FBXL7: variants seen among roughly 807,000 people sequenced by gnomAD.
FBXL7 encodes F-box/LRR-repeat protein 7.
Under a neutral mutation model 38.3 loss-of-function variants are expected in FBXL7, and 12 were observed. That is an observed-to-expected ratio of 0.31 (90% CI 0.20 to 0.51). The LOEUF is 0.51. FBXL7 is among the 20% of genes least tolerant of loss of function. The pLI, the probability that FBXL7 is intolerant of heterozygous loss-of-function variation, is 0.98. For missense variants in FBXL7, 567 were observed against 676.4 expected (o/e 0.84, Z 1.79); for synonymous variants, 297 against 300.9 (o/e 0.99, Z 0.13).
Position 15,609,994 on chromosome 5 carries a change from A to G in FBXL7, c.38-5989A>G, listed in dbSNP as rs145235122. ...TAGGCCTCACAACATGGTGGAAGAC[A>G]AAAAGCACGTCTTACATGGCAGCAG... On this transcript the variant is annotated intron_variant, in intron 1 of 3. Transcript: ENST00000504595. 4.7e-3 allele frequency among the ~76,000 whole-genome samples: 720 copies of G among 152,356 alleles called. 5 individuals carry two copies. The highest frequency in any genetic ancestry group is 0.017 in the African/African-American group (700 of 41,594).
At chr5:15,686,121 G>A (rs1280103806) in intron 2 of FBXL7, among the ~76,000 whole-genome samples, 3 of 152,132 alleles carry the variant, frequency 2.0e-5, no homozygotes, top group African/African-American at 7.2e-5. Flanking sequence ...TCCACTGGAT[G>A]CTAGTTCCAA....
intron 1 of FBXL7, among the ~76,000 whole-genome samples, chr5:15,538,584 T>G (rs1737652520): frequency 6.6e-6 from 1 of 152,226 alleles, no homozygotes; most frequent in Non-Finnish European, 1.5e-5. Flanking sequence ...ACATTGGAAA[T>G]CAAGTTTTCA....
chr5:15,777,720 T>TA (rs371293320), intron 2 of FBXL7, among the ~76,000 whole-genome samples: 27,527 of 81,420 alleles, frequency 0.34, 6,392 homozygotes, highest in Non-Finnish European at 0.43. Flanking sequence ...CCTATTCTGG[T>TA]AAAAAAAAAA....
intron 2 of FBXL7, among the ~76,000 whole-genome samples, chr5:15,881,928 G>T (rs188244991): frequency 9.9e-5 from 15 of 152,252 alleles, no homozygotes; most frequent in African/African-American, 3.6e-4. Context: ...GCATAATGCT[G>T]GCATCTGCTC....
At chr5:15,663,333 T>G (rs6895158) in intron 2 of FBXL7, among the ~76,000 whole-genome samples, 48,122 of 151,986 alleles carry the variant, frequency 0.32, 7,822 homozygotes, top group East Asian at 0.45. Context: ...ATGCTAGTGA[T>G]TTTTGTACAT....
chr5:15,917,677 G>GGAAGGAAA (rs2126438999), intron 2 of FBXL7, among the ~76,000 whole-genome samples: 1 of 148,504 alleles, frequency 6.7e-6, no homozygotes, highest in East Asian at 2.0e-4. Context: ...AAGGAAGGAA[G>GGAAGGAAA]GAAGGAAGGA....
chr5:15,680,190 G>C (rs530684147), intron 2 of FBXL7, among the ~76,000 whole-genome samples: 3 of 152,132 alleles, frequency 2.0e-5, no homozygotes, highest in Admixed American at 6.5e-5. Flanking sequence ...GAAAAAGGCA[G>C]CTCTTCCCAA....
At chr5:15,783,924 A>G (rs565509398) in intron 2 of FBXL7, among the ~76,000 whole-genome samples, 2 of 152,180 alleles carry the variant, frequency 1.3e-5, no homozygotes, top group African/African-American at 2.4e-5. Flanking sequence ...ACTTTTGGCA[A>G]TGGGCCAGGT....
At chr5:15,736,528 G>A (rs188407262) in intron 2 of FBXL7, among the ~76,000 whole-genome samples, 1 of 152,276 alleles carries the variant, frequency 6.6e-6, no homozygotes, top group Admixed American at 6.5e-5. Context: ...TCTTAAATGT[G>A]ATAAATACGT....
intron 1 of FBXL7, among the ~76,000 whole-genome samples, chr5:15,538,119 A>G (rs1737638196): frequency 1.3e-5 from 2 of 152,330 alleles, no homozygotes; most frequent in African/African-American, 2.4e-5. Context: ...ATCCAGGAGC[A>G]GGAGATAAAT....
At chr5:15,561,153 A>T (rs537152479) in intron 1 of FBXL7, among the ~76,000 whole-genome samples, 12 of 152,284 alleles carry the variant, frequency 7.9e-5, no homozygotes, top group African/African-American at 2.9e-4. Context: ...ACTGTAGTCC[A>T]CATACTGTGG....
chr5:15,759,165 C>T (rs542781861), intron 2 of FBXL7, among the ~76,000 whole-genome samples: 5 of 152,274 alleles, frequency 3.3e-5, no homozygotes, highest in Middle Eastern at 3.4e-3. Flanking sequence ...TTCATTCCTT[C>T]GGCTTTTCCT....
At chr5:15,789,843 C>T (rs1737228036) in intron 2 of FBXL7, among the ~76,000 whole-genome samples, 1 of 152,172 alleles carries the variant, frequency 6.6e-6, no homozygotes, top group Admixed American at 6.5e-5. Context: ...CTATGAATTG[C>T]TTCCCTGGGC....
At chr5:15,624,970 C>T (rs1279394321) in intron 2 of FBXL7, among the ~76,000 whole-genome samples, 1 of 151,684 alleles carries the variant, frequency 6.6e-6, no homozygotes, top group Non-Finnish European at 1.5e-5. Flanking sequence ...TCTCTTTGCA[C>T]ATGCCCCCTC....
chr5:15,863,239 C>T (rs550549959), intron 2 of FBXL7, among the ~76,000 whole-genome samples: 1 of 152,272 alleles, frequency 6.6e-6, no homozygotes, highest in East Asian at 1.9e-4. Context: ...GAAATAGAAG[C>T]TTAAGAGAAG....
intron 1 of FBXL7, among the ~76,000 whole-genome samples, chr5:15,548,582 T>C (rs751406012): frequency 2.0e-5 from 3 of 152,164 alleles, no homozygotes; most frequent in Non-Finnish European, 4.4e-5. Flanking sequence ...TAGAAATGTA[T>C]TGGCCACTGT....
At chr5:15,905,841 A>G (rs559988446) in intron 2 of FBXL7, among the ~76,000 whole-genome samples, 2 of 152,216 alleles carry the variant, frequency 1.3e-5, no homozygotes, top group African/African-American at 2.4e-5. Flanking sequence ...AATACACTCA[A>G]TCTACCCTTG....
intron 2 of FBXL7, among the ~76,000 whole-genome samples, chr5:15,905,775 G>C (rs982313790): frequency 5.3e-5 from 8 of 152,052 alleles, no homozygotes; most frequent in Admixed American, 2.6e-4. Context: ...GATGTGGCTT[G>C]GGGGACACAT....
At chr5:15,870,000 C>T (rs780188094) in intron 2 of FBXL7, among the ~76,000 whole-genome samples, 3 of 151,996 alleles carry the variant, frequency 2.0e-5, no homozygotes, top group African/African-American at 2.4e-5. Flanking sequence ...GTATCAGCTA[C>T]GCAGGAGGCT....
Sources: allele counts gnomAD v4.1 joint callset (sites outside exome capture counted in the v4.1 genomes callset), GRCh38; gene constraint gnomAD v4.1.1; transcripts MANE v1.5; gene names NCBI Gene and HGNC (gene_info 2026-07-23, HGNC 2026-07-21).